NFXL1: variants seen among roughly 807,000 people sequenced by gnomAD.
NFXL1 encodes the protein NF-X1-type zinc finger protein NFXL1.
Under a neutral mutation model 123.3 loss-of-function variants are expected in NFXL1, and 66 were observed. The ratio of observed to expected loss-of-function variants is 0.54; its 90% CI spans 0.44 to 0.66. NFXL1 has a LOEUF of 0.66. Ranked by LOEUF, NFXL1 falls within the 30% of genes least tolerant of loss-of-function variation. The pLI is 0.00. For synonymous variants in NFXL1, 346 were observed against 360.8 expected (o/e 0.96, Z 0.46); for missense variants, 944 against 1,125.6 (o/e 0.84, Z 2.31).
chr4:47,888,268 G>A (rs1172409485), intron 12 of NFXL1, among the ~76,000 whole-genome samples: 3 of 152,074 alleles, frequency 2.0e-5, no homozygotes, highest in Non-Finnish European at 4.4e-5. Context: ...GAGAGACTCC[G>A]TCTCAAAGAA....
At chr4:47,907,695 A>G (rs1448177672) in intron 3 of NFXL1, among the ~76,000 whole-genome samples, 1 of 152,262 alleles carries the variant, frequency 6.6e-6, no homozygotes, top group African/African-American at 2.4e-5. Flanking sequence ...TAAAAAAATT[A>G]CCATAACACT....
chr4:47,898,929 C>A, intron 7 of NFXL1, 30 bp downstream of exon 7: 1 of 1,613,282 alleles, frequency 6.2e-7, no homozygotes, highest in Non-Finnish European at 8.5e-7. Flanking sequence ...TGCTTAAAGT[C>A]AGAAAAATCT....
chr4:47,877,173 A>G, intron 17 of NFXL1: 1 of 466,802 alleles, frequency 2.1e-6, no homozygotes. Flanking sequence ...GACAAATCAC[A>G]GAGCTTCAGT....
In NFXL1 at chr4:47,890,480, T is replaced by C; in HGVS notation, c.1543+133A>G. 2 of 593,042 alleles carry C rather than the reference T, an allele frequency of 3.4e-6. 1 individual carries two copies. Among genetic ancestry groups the C allele is most frequent in the East Asian group, 5.7e-5 (2 of 34,946 alleles). 36.7% of individuals were successfully genotyped at this position (593,042 alleles called of 1,614,324 possible). A position where few individuals can be genotyped will look rare whatever the true frequency, so the allele number is the denominator to read the frequency against. On this transcript the variant is annotated intron_variant, in intron 12 of 22. Coordinates refer to ENST00000507489, the MANE Select transcript of NFXL1 (RefSeq NM_001278624.2). ...ACTGGCAAACTGCCTTACCTTCTTC[T>C]CCAGGTTAAGAGAGTCAAGTGAGAT... is the stretch of plus-strand genomic sequence containing the variant.
At chr4:47,897,874 T>A (rs935613244) in intron 9 of NFXL1, 93 bp downstream of exon 9, 4 of 707,372 alleles carry the variant, frequency 5.7e-6, no homozygotes, top group Non-Finnish European at 9.2e-6. Context: ...TTTAGTAATA[T>A]GCACTTAAGT....
intron 20 of NFXL1, 103 bp downstream of exon 20, chr4:47,854,956 A>T: frequency 2.6e-6 from 1 of 380,670 alleles, no homozygotes; most frequent in Non-Finnish European, 4.8e-6. Context: ...AAAAAAAAAA[A>T]GCCAAACAAC....
At chr4:47,885,026 C>G (rs11730927) in intron 14 of NFXL1, among the ~76,000 whole-genome samples, 1 of 151,400 alleles carries the variant, frequency 6.6e-6, no homozygotes, top group African/African-American at 2.4e-5. Context: ...ACTCAGGAGG[C>G]TAAGGCACGA....
rs140154347 is a variant in NFXL1, at chr4:47,875,227, G to A, written c.2146C>T (p.Pro716Ser). 1.9e-6 allele frequency: 3 copies of A among 1,613,226 alleles called. No homozygotes were observed. Among genetic ancestry groups the A allele is most frequent in the East Asian group, 2.2e-5 (1 of 44,840 alleles). Residue 716 changes from proline (P) to serine (S), a missense_variant, in exon 18 of 23, where the codon CCA (proline) becomes TCA (serine). This residue lies in a region of NFXL1 where 301 missense variants were observed against 348.0 expected (regional missense o/e 0.86). Transcript: ENST00000507489. ...CCAGGGTGACATCGCAAAATACATGGGTGAAGACAACCTAGTGGCCGTGAC... is the reference window on the plus strand; with the variant it reads ...CCAGGGTGACATCGCAAAATACATGAGTGAAGACAACCTAGTGGCCGTGAC... ...SKSRPLGCLH[P>S]CILRCHPGEC... is the part of the protein sequence containing the mutation.
In NFXL1 at chr4:47,891,636, T is replaced by C. The variant is rs566133609; in HGVS notation, c.1453-933A>G. On this transcript the variant is annotated intron_variant, in intron 11 of 22. Coordinates refer to ENST00000507489, the MANE Select transcript of NFXL1 (RefSeq NM_001278624.2). ...CTTAACTCTTTCCTTAACTTCTTAC[T>C]TACCTAACTTTGGAAAGGAAATACA... Among the ~76,000 whole-genome samples the C allele has an allele frequency of 1.1e-3, 172 of 152,270 alleles. No individual in the cohort carries two copies. The Middle Eastern group carries it at 0.014, about 12-fold the overall frequency.
At chr4:47,909,996 T>C (rs932559170) in intron 3 of NFXL1, among the ~76,000 whole-genome samples, 3 of 152,164 alleles carry the variant, frequency 2.0e-5, no homozygotes, top group Admixed American at 2.0e-4. Flanking sequence ...AATTTTAAAG[T>C]ATAAAAGGCA....
Position 47,899,083 on chromosome 4 carries a change from A to G in NFXL1, c.864T>C (p.Thr288=). Reference sequence around the variant, plus strand: ...TAGGTTTTGCTTTCTTACAGTAACAAGTAGTTGTGACCATCTTTGGACAAG... The same window carrying G: ...TAGGTTTTGCTTTCTTACAGTAACAGGTAGTTGTGACCATCTTTGGACAAG... ...CPPCPKMVTT[T]CYCKKAKPIP... is the part of the protein sequence containing the mutation. The change falls in exon 7 of 23, where the codon ACT becomes ACC. Residue 288 remains threonine (T), a synonymous_variant. Coordinates refer to ENST00000507489, the MANE Select transcript of NFXL1 (RefSeq NM_001278624.2). The G allele has an allele frequency of 6.2e-7, 1 of 1,612,780 alleles. No homozygotes were observed.
In NFXL1 at chr4:47,898,144, CA is replaced by C. The variant is rs762997160; in HGVS notation, c.1090-64del. 170 of 950,564 alleles carry C rather than the reference CA, an allele frequency of 1.8e-4. 1 individual carries two copies. The highest frequency in any genetic ancestry group is 2.6e-4 in the Non-Finnish European group (161 of 623,264). The allele number at this position is 950,564 out of a possible 1,614,324, so 58.9% of individuals were successfully genotyped here. A position where few individuals can be genotyped will look rare whatever the true frequency, so the allele number is the denominator to read the frequency against. On this transcript the variant is annotated intron_variant, in intron 8 of 22. Transcript: ENST00000507489. Reference sequence around the variant, plus strand: ...AAAGTTAACAAAAAAAGACTTCATACAAGACACAATCCATTTTTCAATCACA... The same window carrying C: ...AAAGTTAACAAAAAAAGACTTCATACAGACACAATCCATTTTTCAATCACA...
intron 19 of NFXL1, among the ~76,000 whole-genome samples, chr4:47,861,156 C>T (rs1734745998): frequency 6.6e-6 from 1 of 151,222 alleles, no homozygotes; most frequent in Admixed American, 6.6e-5. Context: ...CCACCATGCC[C>T]GGCCCAGCAA....
intron 4 of NFXL1, among the ~76,000 whole-genome samples, chr4:47,903,698 T>C (rs928884814): frequency 6.6e-6 from 1 of 152,138 alleles, no homozygotes; most frequent in South Asian, 2.1e-4. Flanking sequence ...CATTACACCA[T>C]GTAGACTTAC....
chr4:47,851,893 T>C lies in NFXL1; in HGVS notation c.2471A>G (p.Asp824Gly), dbSNP rs1734138336. The change falls in exon 21 of 23, where the codon GAC becomes GGC. Residue 824 changes from aspartate to glycine, a missense_variant. Physicochemically the swap from Asp to Gly is moderately conservative, Grantham distance 94. Coordinates refer to ENST00000507489, the MANE Select transcript of NFXL1 (RefSeq NM_001278624.2). ...VRENQVSIECDTTCKEMKRKA... is the reference protein window; with the variant it reads ...VRENQVSIECGTTCKEMKRKA... ...CCGCTTCATTTCCTTGCACGTTGTG[T>C]CACATTCTATTGAAACCTGATTTTC... 6.2e-7 allele frequency: 1 copy of C among 1,611,422 alleles called. No homozygotes were observed. Among genetic ancestry groups the C allele is most frequent in the Non-Finnish European group, 8.5e-7 (1 of 1,177,754 alleles).
Position 47,862,835 on chromosome 4 carries a change from C to T in NFXL1, c.2316+11G>A. The T allele has an allele frequency of 6.8e-7, 1 of 1,472,320 alleles. No homozygotes were observed. The highest frequency in any genetic ancestry group is 9.3e-7 in the Non-Finnish European group (1 of 1,071,682). 91.2% of individuals were successfully genotyped at this position (1,472,320 alleles called of 1,614,324 possible). On this transcript the variant is annotated intron_variant, in intron 19 of 22. Transcript: ENST00000507489. The stretch of plus-strand genomic sequence containing the variant: ...AAGGAATACAATTTAAAAGGTTCTA[C>T]TAAAGCTTACCTCTTTAGGGCACTG...
At chr4:47,859,181 C>T (rs1734584215) in intron 19 of NFXL1, among the ~76,000 whole-genome samples, 1 of 152,190 alleles carries the variant, frequency 6.6e-6, no homozygotes, top group African/African-American at 2.4e-5. Flanking sequence ...CATCATTCTG[C>T]TAGCACTTCA....
intron 4 of NFXL1, 131 bp downstream of exon 4, chr4:47,905,106 C>T (rs1737504656): frequency 2.3e-6 from 1 of 441,106 alleles, no homozygotes; most frequent in Admixed American, 3.8e-5. Context: ...AAGATCAATT[C>T]ATATACAAAA....
At chr4:47,872,055 T>C (rs1399545796) in intron 18 of NFXL1, among the ~76,000 whole-genome samples, 1 of 152,184 alleles carries the variant, frequency 6.6e-6, no homozygotes, top group Non-Finnish European at 1.5e-5. Context: ...AAGCAAAAAC[T>C]GGCATTTTTT....
Sources: gnomAD v4.1 joint callset for allele counts (sites outside exome capture counted in the v4.1 genomes callset) on GRCh38, gnomAD v4.1.1 for gene constraint, gnomAD v4.1.1 regional missense constraint, MANE v1.5 for transcripts, NCBI Gene and HGNC (gene_info 2026-07-23, HGNC 2026-07-21) for gene names.